The following SETD3 variants were observed in gnomAD, a reference collection of about 807,000 sequenced individuals.
SETD3 encodes the protein SET domain containing 3, actin N3(tau)-histidine methyltransferase.
Under a neutral mutation model 63.0 loss-of-function variants are expected in SETD3, and 19 were observed. The observed-to-expected ratio is 0.30, with a 90% CI of 0.21 to 0.44. The LOEUF is 0.44. Ranked by LOEUF, SETD3 falls within the 20% of genes least tolerant of loss-of-function variation. SETD3 has a pLI of 1.00. For synonymous variants in SETD3, 286 were observed against 264.1 expected (o/e 1.08, Z -0.80); for missense variants, 587 against 728.5 (o/e 0.81, Z 2.24).
intron 1 of SETD3, among the ~76,000 whole-genome samples, chr14:99,479,833 G>C (rs929906103): frequency 6.6e-6 from 1 of 152,244 alleles, no homozygotes; most frequent in Admixed American, 6.5e-5. Flanking sequence ...CACGGTCCGA[G>C]TGGTCCTAAC....
Position 99,463,586 on chromosome 14 carries a change from A to G in SETD3, c.104-8T>C, listed in dbSNP as rs1010289087. The G allele has an allele frequency of 5.0e-6, 8 of 1,608,278 alleles. No homozygotes were observed. The African/African-American group carries it at 5.3e-5, about 11-fold the overall frequency. On this transcript the variant is annotated splice_polypyrimidine_tract_variant and splice_region_variant and intron_variant, in intron 2 of 12. Transcript: ENST00000331768. ...GCGCCGGACTGCTGCATTCTGTAAC[A>G]TAAGAGGCATGGTACTGAAACACTT...
At chr14:99,483,887 G>T (rs555636595), upstream of SETD3, among the ~76,000 whole-genome samples, 5 of 152,162 alleles carry the variant, frequency 3.3e-5, no homozygotes, top group African/African-American at 9.7e-5. Flanking sequence ...GATAAGCAGC[G>T]TGATTCTCAA....
At chr14:99,457,596 T>A (rs1894830846) in intron 6 of SETD3, among the ~76,000 whole-genome samples, 1 of 152,224 alleles carries the variant, frequency 6.6e-6, no homozygotes, top group African/African-American at 2.4e-5. Flanking sequence ...GCCCAGGAGC[T>A]GACTCTTGAG....
intron 12 of SETD3, among the ~76,000 whole-genome samples, 178 bp downstream of exon 12, chr14:99,399,921 T>A (rs1271662832): frequency 6.6e-6 from 1 of 152,034 alleles, no homozygotes; most frequent in South Asian, 2.1e-4. Flanking sequence ...TCTGTATTTT[T>A]AGTAGAGACG....
intron 8 of SETD3, among the ~76,000 whole-genome samples, chr14:99,408,127 G>A (rs550394028): frequency 6.6e-6 from 1 of 152,278 alleles, no homozygotes; most frequent in South Asian, 2.1e-4. Flanking sequence ...TTCAAAAGAT[G>A]ACTTCTGAGT....
chr14:99,477,003 C>A (rs1311312369), intron 1 of SETD3, among the ~76,000 whole-genome samples: 5 of 152,148 alleles, frequency 3.3e-5, no homozygotes, highest in African/African-American at 4.8e-5. Flanking sequence ...TGTCCCTCTG[C>A]CCTCCCCTAC....
At chr14:99,443,869 C>T (rs915566944) in intron 6 of SETD3, among the ~76,000 whole-genome samples, 48 of 152,158 alleles carry the variant, frequency 3.2e-4, no homozygotes, top group African/African-American at 1.2e-3. Context: ...AAAGGGCTGC[C>T]TTGCAAAATC....
chr14:99,442,114 C>T (rs1286729003), intron 6 of SETD3, among the ~76,000 whole-genome samples: 1 of 152,196 alleles, frequency 6.6e-6, no homozygotes, highest in Non-Finnish European at 1.5e-5. Flanking sequence ...ACTGAGCACA[C>T]CGGCTCCGCA....
In SETD3 at chr14:99,412,855, G is replaced by A. The variant is rs144504073; in HGVS notation, c.849+96C>T. ...GTTCCTTTTGGAGGGAGGCAACGGG[G>A]GGAGTACGATGGGTAGGTGGAATAA... is the stretch of plus-strand genomic sequence containing the variant. On this transcript the variant is annotated intron_variant, in intron 8 of 12. Coordinates refer to ENST00000331768, the MANE Select transcript of SETD3 (RefSeq NM_032233.3). 355 of 845,606 alleles carry A rather than the reference G, an allele frequency of 4.2e-4. 1 individual carries two copies. The East Asian group carries it at 7.1e-3, about 17-fold the overall frequency. The allele number at this position is 845,606 out of a possible 1,614,324, so 52.4% of individuals were successfully genotyped here.
intron 8 of SETD3, among the ~76,000 whole-genome samples, chr14:99,411,096 GATCTT>G (rs757110108): frequency 1.3e-5 from 2 of 152,190 alleles, no homozygotes; most frequent in Non-Finnish European, 2.9e-5. Context: ...TTTCCCATGA[GATCTT>G]ATAATTACAA....
intron 1 of SETD3, among the ~76,000 whole-genome samples, chr14:99,480,124 G>C (rs1284826589): frequency 6.6e-6 from 1 of 152,248 alleles, no homozygotes; most frequent in African/African-American, 2.4e-5. Flanking sequence ...TCCTACGTCC[G>C]TCTTCCTAAC....
intron 6 of SETD3, among the ~76,000 whole-genome samples, chr14:99,434,334 C>A (rs1456864083): frequency 1.3e-5 from 2 of 152,118 alleles, no homozygotes; most frequent in Non-Finnish European, 2.9e-5. Flanking sequence ...ACGCAAAAAC[C>A]CCAAGGAGGC....
chr14:99,403,585 A>G (rs1476271837), intron 11 of SETD3, among the ~76,000 whole-genome samples: 1 of 152,168 alleles, frequency 6.6e-6, no homozygotes, highest in Admixed American at 6.5e-5. Context: ...GTCAAATCTC[A>G]GCATAAGAAA....
At chr14:99,420,335 T>A (rs1361941869) in intron 6 of SETD3, among the ~76,000 whole-genome samples, 1 of 152,188 alleles carries the variant, frequency 6.6e-6, no homozygotes, top group Non-Finnish European at 1.5e-5. Context: ...ATTCAAAGAA[T>A]TCCTCTTCTT....
chr14:99,441,434 GC>G (rs1431664662), intron 6 of SETD3, among the ~76,000 whole-genome samples: 1 of 152,222 alleles, frequency 6.6e-6, no homozygotes, highest in African/African-American at 2.4e-5. Flanking sequence ...CCACAGTGGT[GC>G]CCAAGGACAG....
intron 6 of SETD3, among the ~76,000 whole-genome samples, chr14:99,438,699 T>C (rs1362403110): frequency 5.9e-5 from 9 of 152,310 alleles, no homozygotes; most frequent in African/African-American, 2.2e-4. Flanking sequence ...TCCCTGCCGC[T>C]GGGGTTGTCA....
chr14:99,425,516 A>C (rs1353650287), intron 6 of SETD3, among the ~76,000 whole-genome samples: 3 of 152,252 alleles, frequency 2.0e-5, no homozygotes, highest in African/African-American at 7.2e-5. Context: ...TCAGTGGAAC[A>C]TTCTCAGCAA....
upstream of SETD3, among the ~76,000 whole-genome samples, chr14:99,483,003 T>C (rs1896392148): frequency 6.6e-6 from 1 of 152,250 alleles, no homozygotes; most frequent in South Asian, 2.1e-4. Flanking sequence ...AGGTAAATTG[T>C]ATACCAGAGT....
intron 1 of SETD3, among the ~76,000 whole-genome samples, chr14:99,477,708 A>G (rs981222578): frequency 7.2e-6 from 1 of 138,602 alleles, no homozygotes; most frequent in Admixed American, 7.9e-5. Flanking sequence ...AGATCACGAC[A>G]TTGCACTCCA....
Sources: allele counts gnomAD v4.1 joint callset (sites outside exome capture counted in the v4.1 genomes callset), GRCh38; gene constraint gnomAD v4.1.1; transcripts MANE v1.5; gene names NCBI Gene and HGNC (gene_info 2026-07-23, HGNC 2026-07-21).